The following ADAMTS17 variants were observed in gnomAD, a reference collection of about 807,000 sequenced individuals.
ADAMTS17 encodes the protein A disintegrin and metalloproteinase with thrombospondin motifs 17.
Under a neutral mutation model 141.5 loss-of-function variants are expected in ADAMTS17, and 113 were observed. The ratio of observed to expected loss-of-function variants is 0.80; its 90% CI spans 0.69 to 0.93. The LOEUF is 0.93. Ranked by LOEUF, ADAMTS17 falls within the 40% of genes least tolerant of loss-of-function variation. The probability of loss-of-function intolerance (pLI) is 0.00; values close to 1 mark genes in which losing one functional copy is unlikely to be tolerated. For missense variants in ADAMTS17, 1,659 were observed against 1,517.9 expected (o/e 1.09, Z -1.54); for synonymous variants, 768 against 630.6 (o/e 1.22, Z -3.27).
Position 99,977,663 on chromosome 15 carries a change from G to A in ADAMTS17, c.2950-1441C>T, listed in dbSNP as rs1331420508. On this transcript the variant is annotated intron_variant, in intron 20 of 21. Transcript: ENST00000268070. ...ACTCCTGACCTCAGGCAATCTGCCC[G>A]CCTTGGCCTCCCAAAGTGCTGGGAT... is the stretch of plus-strand genomic sequence containing the variant. 3.3e-5 allele frequency among the ~76,000 whole-genome samples: 5 copies of A among 151,446 alleles called. No homozygotes were observed. The South Asian group carries it at 6.3e-4, about 19-fold the overall frequency.
At chr15:100,154,211 C>T (rs2039323893) in intron 9 of ADAMTS17, among the ~76,000 whole-genome samples, 1 of 152,066 alleles carries the variant, frequency 6.6e-6, no homozygotes, top group Non-Finnish European at 1.5e-5. Context: ...CAACCCATCT[C>T]GTGGCCATGA....
chr15:100,227,974 C>G (rs2042362221), intron 7 of ADAMTS17, among the ~76,000 whole-genome samples: 1 of 152,210 alleles, frequency 6.6e-6, no homozygotes, highest in Non-Finnish European at 1.5e-5. Context: ...GCCACGTCAT[C>G]TGCCCATAGC....
At chr15:100,192,446 C>A (rs933438757) in intron 8 of ADAMTS17, among the ~76,000 whole-genome samples, 3 of 152,224 alleles carry the variant, frequency 2.0e-5, no homozygotes, top group Non-Finnish European at 4.4e-5. Flanking sequence ...CTGCCCTAAT[C>A]CCAGCTAGAA....
chr15:100,195,354 T>C (rs2041071736), intron 8 of ADAMTS17, among the ~76,000 whole-genome samples: 1 of 152,154 alleles, frequency 6.6e-6, no homozygotes, highest in East Asian at 1.9e-4. Flanking sequence ...ATCGAATGAA[T>C]CCACAGCTTC....
At chr15:100,179,807 T>C (rs2040463167) in intron 8 of ADAMTS17, among the ~76,000 whole-genome samples, 1 of 152,204 alleles carries the variant, frequency 6.6e-6, no homozygotes, top group South Asian at 2.1e-4. Flanking sequence ...GATGAACACT[T>C]TTTCATTTGT....
At chr15:100,165,844 T>C (rs139635939) in intron 8 of ADAMTS17, among the ~76,000 whole-genome samples, 31 of 152,222 alleles carry the variant, frequency 2.0e-4, no homozygotes, top group African/African-American at 7.2e-4. Flanking sequence ...TCAGGACAAA[T>C]AGAGGGAGTA....
At chr15:100,214,039 G>T (rs2041891835) in intron 7 of ADAMTS17, among the ~76,000 whole-genome samples, 1 of 152,242 alleles carries the variant, frequency 6.6e-6, no homozygotes, top group African/African-American at 2.4e-5. Flanking sequence ...GTTACGGAGA[G>T]TGAGGGTTGT....
chr15:100,114,792 G>A (rs2037008628), intron 13 of ADAMTS17, among the ~76,000 whole-genome samples: 1 of 152,190 alleles, frequency 6.6e-6, no homozygotes, highest in Admixed American at 6.5e-5. Context: ...CTGGGTGGAG[G>A]ATCTGGGCAG....
chr15:100,137,995 G>C lies in ADAMTS17; in HGVS notation c.1474-4680C>G, dbSNP rs1051955729. 2.6e-5 allele frequency among the ~76,000 whole-genome samples: 4 copies of C among 151,464 alleles called. No individual in the cohort carries two copies. In the East Asian group the frequency reaches 7.8e-4, roughly 29 times the overall value. ...CACCCAATTGTGCTATTTTTTCTTT[G>C]TGGTTAACATTTTACCTTTGAAAGC... On this transcript the variant is annotated intron_variant, in intron 10 of 21. Coordinates refer to ENST00000268070, the MANE Select transcript of ADAMTS17 (RefSeq NM_139057.4).
At chr15:100,330,407 C>T (rs185315976) in intron 3 of ADAMTS17, among the ~76,000 whole-genome samples, 2 of 152,334 alleles carry the variant, frequency 1.3e-5, no homozygotes, top group Non-Finnish European at 2.9e-5. Flanking sequence ...TGAAAATGTG[C>T]ATGTCTAACA....
At chr15:100,278,494 G>A (rs545725964) in intron 4 of ADAMTS17, among the ~76,000 whole-genome samples, 31 of 152,268 alleles carry the variant, frequency 2.0e-4, no homozygotes, top group African/African-American at 7.5e-4. Flanking sequence ...GGTCCCAGGG[G>A]CCTCCTTGGC....
chr15:100,155,453 C>T lies in ADAMTS17; in HGVS notation c.1182-133G>A, dbSNP rs2039389799. ...GGACGTAACGTGAAAGTGGTTCTCA[C>T]ACAGCAGACCCACAGTCATGTGTTT... On this transcript the variant is annotated intron_variant, in intron 8 of 21. Coordinates refer to ENST00000268070, the MANE Select transcript of ADAMTS17 (RefSeq NM_139057.4). The T allele has an allele frequency of 7.5e-6, 9 of 1,206,842 alleles. No homozygotes were observed. In the East Asian group the frequency reaches 1.3e-4, roughly 17 times the overall value. The allele number at this position is 1,206,842 out of a possible 1,614,324, so 74.8% of individuals were successfully genotyped here.
chr15:100,051,696 A>G lies in ADAMTS17; in HGVS notation c.2331T>C (p.His777=), dbSNP rs763107998. 6.2e-7 allele frequency: 1 copy of G among 1,614,204 alleles called. No homozygotes were observed. Among genetic ancestry groups the G allele is most frequent in the South Asian group, 1.1e-5 (1 of 91,084 alleles). The change falls in exon 17 of 22, where the codon CAT becomes CAC. Residue 777 remains histidine (H), a synonymous_variant. Transcript: ENST00000268070. ...GGTTTACAGGAACAGTGTATTCATA[A>G]TGAATTCCATAATCTTGGTCGTGAA... is the stretch of plus-strand genomic sequence containing the variant. The part of the protein sequence containing the change: ...LLFHDQDYGI[H]YEYTVPVNRT...
intron 3 of ADAMTS17, among the ~76,000 whole-genome samples, chr15:100,326,829 A>C (rs1440683932): frequency 6.6e-6 from 1 of 152,214 alleles, no homozygotes; most frequent in Non-Finnish European, 1.5e-5. Flanking sequence ...ACCTCATCCT[A>C]GCTGCCTCTT....
At chr15:100,340,434 CCTA>C (rs1432498990) in intron 2 of ADAMTS17, among the ~76,000 whole-genome samples, 1 of 152,154 alleles carries the variant, frequency 6.6e-6, no homozygotes, top group African/African-American at 2.4e-5. Context: ...CAGATAAATG[CCTA>C]CTAATAGTAT....
intron 20 of ADAMTS17, among the ~76,000 whole-genome samples, chr15:99,986,509 C>G (rs1386142814): frequency 6.6e-6 from 1 of 152,146 alleles, no homozygotes; most frequent in Non-Finnish European, 1.5e-5. Context: ...AGAAGGCTGG[C>G]TTGGGCTGTC....
intron 7 of ADAMTS17, among the ~76,000 whole-genome samples, chr15:100,216,537 C>T (rs1322643864): frequency 3.9e-5 from 6 of 152,200 alleles, no homozygotes; most frequent in African/African-American, 1.2e-4. Flanking sequence ...AAGATACCAG[C>T]GTATTACAAC....
At chr15:100,047,450 C>A (rs2031797662) in intron 18 of ADAMTS17, among the ~76,000 whole-genome samples, 1 of 151,642 alleles carries the variant, frequency 6.6e-6, no homozygotes, top group Admixed American at 6.6e-5. Flanking sequence ...CATCACGGAA[C>A]CTGCTGACAT....
At chr15:100,003,468 G>A (rs1328421735) in intron 18 of ADAMTS17, among the ~76,000 whole-genome samples, 1 of 152,064 alleles carries the variant, frequency 6.6e-6, no homozygotes, top group Non-Finnish European at 1.5e-5. Context: ...AGTAAGCGAG[G>A]CCACTGTATC....
Sources: allele counts gnomAD v4.1 joint callset (sites outside exome capture counted in the v4.1 genomes callset), GRCh38; gene constraint gnomAD v4.1.1; transcripts MANE v1.5; gene names NCBI Gene and HGNC (gene_info 2026-07-23, HGNC 2026-07-21).